Variants in DGKI observed in about 807,000 individuals in gnomAD.
DGKI encodes diacylglycerol kinase iota.
Under a neutral mutation model 147.5 loss-of-function variants are expected in DGKI, and 55 were observed. That is an observed-to-expected ratio of 0.37 (90% CI 0.30 to 0.47). The LOEUF (loss-of-function observed/expected upper bound fraction) is 0.47, where lower values mean the gene tolerates loss of function less well. Ranked by LOEUF, DGKI falls within the 20% of genes least tolerant of loss-of-function variation. The probability of loss-of-function intolerance (pLI) is 1.00; values close to 1 mark genes in which losing one functional copy is unlikely to be tolerated. For synonymous variants in DGKI, 469 were observed against 477.1 expected (o/e 0.98, Z 0.22); for missense variants, 1,007 against 1,323.8 (o/e 0.76, Z 3.71).
chr7:137,646,843 G>T lies in DGKI; in HGVS notation c.739-1306C>A, dbSNP rs116343678. Among the ~76,000 whole-genome samples, 314 of 152,142 alleles carry T rather than the reference G, an allele frequency of 2.1e-3. 1 individual carries two copies. The highest frequency in any genetic ancestry group is 7.4e-3 in the African/African-American group (309 of 41,524). On this transcript the variant is annotated intron_variant, in intron 5 of 32. Coordinates refer to ENST00000614521, the MANE Select transcript of DGKI (RefSeq NM_001321708.2). Reference sequence around the variant, plus strand: ...AGAGGGAAAAAAGGTTATATATCAAGGCATGAAATTCAGAGTGACAAGAAA... The same window carrying T: ...AGAGGGAAAAAAGGTTATATATCAATGCATGAAATTCAGAGTGACAAGAAA...
chr7:137,709,184 G>A (rs1286802879), intron 1 of DGKI, among the ~76,000 whole-genome samples: 1 of 152,106 alleles, frequency 6.6e-6, no homozygotes, highest in Admixed American at 6.5e-5. Context: ...TACTTGATAT[G>A]ATAAAATAAT....
At chr7:137,507,968 G>C (rs763288970) in intron 21 of DGKI, among the ~76,000 whole-genome samples, 4 of 152,168 alleles carry the variant, frequency 2.6e-5, no homozygotes, top group Non-Finnish European at 2.9e-5. Context: ...ACCACCCTTA[G>C]GCTCTAAGGA....
At chr7:137,675,830 A>C (rs270899) in intron 3 of DGKI, among the ~76,000 whole-genome samples, 1 of 151,964 alleles carries the variant, frequency 6.6e-6, no homozygotes, top group Non-Finnish European at 1.5e-5. Flanking sequence ...AGTTAGAGTC[A>C]GTGGATTCTA....
At position 137,424,525 on chromosome 7, in the gene DGKI, A is replaced by T. The variant is rs531627618; in HGVS notation, c.2762-12318T>A. 2.8e-3 allele frequency among the ~76,000 whole-genome samples: 428 copies of T among 152,326 alleles called. 1 individual carries two copies. Among genetic ancestry groups the T allele is most frequent in the Non-Finnish European group, 3.6e-3 (246 of 68,022 alleles). On this transcript the variant is annotated intron_variant, in intron 28 of 32. Transcript: ENST00000614521. ...CGGGTTCATCTCACTAGGGAATGCC[A>T]GACAGTGGGCACAGGACAGTGGATG...
chr7:137,827,896 TTCAA>T (rs1200891225), intron 1 of DGKI, among the ~76,000 whole-genome samples: 1 of 152,242 alleles, frequency 6.6e-6, no homozygotes, highest in African/African-American at 2.4e-5. Context: ...GTTTTCTCCA[TTCAA>T]TCAATGACAT....
intron 21 of DGKI, among the ~76,000 whole-genome samples, chr7:137,497,365 T>C (rs1476483212): frequency 6.6e-6 from 1 of 152,066 alleles, no homozygotes; most frequent in Non-Finnish European, 1.5e-5. Context: ...ATTGCAGCCA[T>C]TGTGGAAAGC....
At chr7:137,761,309 T>A (rs1344625419) in intron 1 of DGKI, among the ~76,000 whole-genome samples, 5 of 152,236 alleles carry the variant, frequency 3.3e-5, no homozygotes, top group Non-Finnish European at 7.3e-5. Flanking sequence ...CTTTCATTTA[T>A]GTTCAAATCT....
chr7:137,468,086 C>A (rs1814730138), intron 24 of DGKI, among the ~76,000 whole-genome samples: 1 of 150,786 alleles, frequency 6.6e-6, no homozygotes, highest in African/African-American at 2.4e-5. Context: ...TTCTACAAAA[C>A]AAACAGCACA....
intron 21 of DGKI, among the ~76,000 whole-genome samples, chr7:137,509,958 A>G (rs1399637921): frequency 6.6e-6 from 1 of 152,200 alleles, no homozygotes. Flanking sequence ...GGAGAAAAAA[A>G]AAGGAGATGT....
chr7:137,667,800 G>A (rs749513275), intron 3 of DGKI, among the ~76,000 whole-genome samples: 5 of 152,138 alleles, frequency 3.3e-5, no homozygotes, highest in African/African-American at 4.8e-5. Flanking sequence ...AGACATCTCA[G>A]TCATTGTTTA....
intron 6 of DGKI, among the ~76,000 whole-genome samples, chr7:137,635,705 A>G (rs1157605449): frequency 6.6e-6 from 1 of 152,210 alleles, no homozygotes; most frequent in Admixed American, 6.5e-5. Flanking sequence ...AGCTTTGAGA[A>G]AATATCCTAT....
chr7:137,456,391 C>T (rs896535156), intron 27 of DGKI, among the ~76,000 whole-genome samples: 6 of 152,134 alleles, frequency 3.9e-5, no homozygotes, highest in Middle Eastern at 3.4e-3. Context: ...TAAATAGACA[C>T]GTATTTATTT....
chr7:137,728,420 C>T (rs936982376), intron 1 of DGKI, among the ~76,000 whole-genome samples: 4 of 151,990 alleles, frequency 2.6e-5, no homozygotes, highest in African/African-American at 9.7e-5. Context: ...AGAAATGATC[C>T]ACACAGGGAC....
intron 6 of DGKI, among the ~76,000 whole-genome samples, chr7:137,634,287 CAAT>C (rs757959885): frequency 1.7e-4 from 26 of 152,140 alleles, no homozygotes; most frequent in South Asian, 4.2e-4. Flanking sequence ...GTCCAGCCTG[CAAT>C]GAAAGAATCC....
chr7:137,808,482 G>A (rs951677439), intron 1 of DGKI, among the ~76,000 whole-genome samples: 2 of 152,178 alleles, frequency 1.3e-5, no homozygotes, highest in Non-Finnish European at 1.5e-5. Flanking sequence ...GCCTCATAAA[G>A]TGTGCTTCTC....
At chr7:137,575,925 A>G (rs1261622638) in intron 17 of DGKI, among the ~76,000 whole-genome samples, 1 of 150,616 alleles carries the variant, frequency 6.6e-6, no homozygotes, top group Non-Finnish European at 1.5e-5. Context: ...TAATTTTTAT[A>G]TTTTCATGCT....
chr7:137,535,304 T>G (rs561680271), intron 20 of DGKI, among the ~76,000 whole-genome samples: 1 of 152,262 alleles, frequency 6.6e-6, no homozygotes, highest in South Asian at 2.1e-4. Flanking sequence ...CTCTGCCAAT[T>G]TGATATCCCC....
intron 8 of DGKI, among the ~76,000 whole-genome samples, chr7:137,616,540 T>C (rs1820537165): frequency 6.6e-6 from 1 of 152,076 alleles, no homozygotes; most frequent in Non-Finnish European, 1.5e-5. Flanking sequence ...CATTAAATGA[T>C]CCTGGGACAT....
intron 21 of DGKI, among the ~76,000 whole-genome samples, chr7:137,514,451 G>A (rs1816685488): frequency 6.6e-6 from 1 of 152,064 alleles, no homozygotes; most frequent in Admixed American, 6.6e-5. Context: ...AATTCTTAGT[G>A]TGCATCTTAC....
Sources: allele counts gnomAD v4.1 joint callset (sites outside exome capture counted in the v4.1 genomes callset), GRCh38; gene constraint gnomAD v4.1.1; transcripts MANE v1.5; gene names NCBI Gene and HGNC (gene_info 2026-07-23, HGNC 2026-07-21).